SPIN1: variants seen among roughly 807,000 people sequenced by gnomAD.
The protein encoded by SPIN1 is spindlin-1.
In SPIN1, 3 loss-of-function variants were observed where a neutral mutation model predicts 26.0. The observed-to-expected ratio is 0.12, with a 90% CI of 0.05 to 0.30. The LOEUF (loss-of-function observed/expected upper bound fraction) is 0.30, where lower values mean the gene tolerates loss of function less well. SPIN1 is among the 10% of genes least tolerant of loss of function. SPIN1 has a pLI of 1.00. For synonymous variants in SPIN1, 101 were observed against 116.5 expected (o/e 0.87, Z 0.86); for missense variants, 126 against 333.4 (o/e 0.38, Z 4.84).
rs1828887280 is a variant in SPIN1 at position 88,476,241 on chromosome 9, C to T, written c.*964C>T. 1 of 152,146 alleles carries T rather than the reference C, an allele frequency of 6.6e-6. No homozygotes were observed. The highest frequency in any genetic ancestry group is 2.4e-5 in the African/African-American group (1 of 41,422). The allele number at this position is 152,146 out of a possible 1,614,324, so 9.4% of individuals were successfully genotyped here. A position where few individuals can be genotyped will look rare whatever the true frequency, so the allele number is the denominator to read the frequency against. On this transcript the variant is annotated 3_prime_UTR_variant, in exon 6 of 6. Transcript: ENST00000375859. ...TACATGGATTTAAAAGGCAACAATC[C>T]ATCACTGGTTTGTGTGTTTTTGGTT...
chr9:88,414,754 A>G (rs1044133714), intron 1 of SPIN1, among the ~76,000 whole-genome samples: 1 of 152,200 alleles, frequency 6.6e-6, no homozygotes, highest in Non-Finnish European at 1.5e-5. Flanking sequence ...TTCATGATAG[A>G]AGGAAGTGCT....
chr9:88,423,442 G>T (rs1827709312), intron 1 of SPIN1, among the ~76,000 whole-genome samples: 1 of 151,486 alleles, frequency 6.6e-6, no homozygotes, highest in Non-Finnish European at 1.5e-5. Flanking sequence ...TTTTTTGTTT[G>T]TTTGTTTGTT....
chr9:88,466,208 G>GA (rs1384820262), intron 4 of SPIN1, among the ~76,000 whole-genome samples: 1 of 152,078 alleles, frequency 6.6e-6, no homozygotes, highest in Non-Finnish European at 1.5e-5. Flanking sequence ...ACCCAGGCTG[G>GA]AGTATAGTGG....
At chr9:88,397,270 G>A (rs779835606) in intron 1 of SPIN1, among the ~76,000 whole-genome samples, 11 of 152,010 alleles carry the variant, frequency 7.2e-5, no homozygotes, top group Non-Finnish European at 1.5e-4. Flanking sequence ...ATCCACTGTA[G>A]TATATGTGGT....
intron 1 of SPIN1, among the ~76,000 whole-genome samples, chr9:88,419,807 C>A (rs760538444): frequency 2.0e-5 from 3 of 152,132 alleles, no homozygotes; most frequent in Non-Finnish European, 4.4e-5. Context: ...CATGATAGAC[C>A]AGACTAAAAT....
intron 2 of SPIN1, among the ~76,000 whole-genome samples, chr9:88,447,538 C>A (rs915130081): frequency 3.9e-5 from 6 of 152,246 alleles, no homozygotes; most frequent in African/African-American, 1.2e-4. Context: ...CTAGTTAGGG[C>A]CATCTTTTGC....
chr9:88,426,661 T>G (rs1402271323), intron 2 of SPIN1, 70 bp downstream of exon 2: 11 of 1,409,102 alleles, frequency 7.8e-6, no homozygotes, highest in Non-Finnish European at 1.1e-5. Flanking sequence ...AAGTGTAAAA[T>G]TGGGTACTTT....
chr9:88,402,510 CTT>C (rs201771271), intron 1 of SPIN1, among the ~76,000 whole-genome samples: 13 of 139,606 alleles, frequency 9.3e-5, no homozygotes, highest in Admixed American at 2.2e-4. Context: ...ATGAGGTCAA[CTT>C]TTTTTTTTTT....
chr9:88,392,057 G>A (rs1363115837), intron 1 of SPIN1, among the ~76,000 whole-genome samples: 1 of 152,182 alleles, frequency 6.6e-6, no homozygotes, highest in African/African-American at 2.4e-5. Flanking sequence ...TATGGTGTAA[G>A]TCTGTTCTGA....
intron 1 of SPIN1, among the ~76,000 whole-genome samples, chr9:88,399,748 G>A (rs541405763): frequency 4.6e-5 from 7 of 152,326 alleles, no homozygotes; most frequent in African/African-American, 1.7e-4. Flanking sequence ...ATGCAAGTTG[G>A]AAACATAAAG....
At chr9:88,412,974 G>A (rs997515478) in intron 1 of SPIN1, among the ~76,000 whole-genome samples, 1 of 151,508 alleles carries the variant, frequency 6.6e-6, no homozygotes, top group Admixed American at 6.6e-5. Flanking sequence ...GAGCCACCGC[G>A]CCTGGCCTCT....
chr9:88,411,584 G>T (rs1001045753), intron 1 of SPIN1: 1 of 578,312 alleles, frequency 1.7e-6, no homozygotes, highest in Non-Finnish European at 3.0e-6. Flanking sequence ...CATGATCTTG[G>T]CTTACTATAG....
At chr9:88,446,368 T>C (rs191726265) in intron 2 of SPIN1, among the ~76,000 whole-genome samples, 1 of 151,726 alleles carries the variant, frequency 6.6e-6, no homozygotes, top group Non-Finnish European at 1.5e-5. Flanking sequence ...TATTTTTTGC[T>C]GGATATAGTA....
chr9:88,455,856 A>G (rs769174515), intron 3 of SPIN1, among the ~76,000 whole-genome samples: 1 of 152,166 alleles, frequency 6.6e-6, no homozygotes, highest in Non-Finnish European at 1.5e-5. Flanking sequence ...AGGCACCCTT[A>G]CGTAGTTCCA....
At chr9:88,470,617 C>CA (rs1828763348) in intron 5 of SPIN1, among the ~76,000 whole-genome samples, 1 of 145,372 alleles carries the variant, frequency 6.9e-6, no homozygotes, top group Non-Finnish European at 1.5e-5. Context: ...TTTTTTGAGA[C>CA]AGAGTCTTGC....
rs11320023 is a variant in SPIN1 at position 88,475,047 on chromosome 9, CTTTTTTTTTTT to C, written c.590-18_590-8del. 8.8e-5 allele frequency: 74 copies of C among 841,784 alleles called. No homozygotes were observed. In the South Asian group the frequency reaches 1.6e-3, roughly 18 times the overall value. 52.1% of individuals were successfully genotyped at this position (841,784 alleles called of 1,614,324 possible). ...TGACTTAGAAATTTTCTCTCTCTCT[CTTTTTTTTTTT>C]TTTTTTTTTTTTAATATAGATGATT... On this transcript the variant is annotated intron_variant, in intron 5 of 5. Coordinates refer to ENST00000375859, the MANE Select transcript of SPIN1 (RefSeq NM_006717.3).
intron 2 of SPIN1, among the ~76,000 whole-genome samples, chr9:88,441,424 C>CGT (rs1323241293): frequency 1.1e-5 from 1 of 90,414 alleles, no homozygotes; most frequent in African/African-American, 1.5e-4. Flanking sequence ...TGCGCGCGCG[C>CGT]GCGCCCATGT....
intron 1 of SPIN1, among the ~76,000 whole-genome samples, chr9:88,410,365 C>T (rs571556113): frequency 3.9e-5 from 6 of 152,102 alleles, no homozygotes; most frequent in African/African-American, 7.2e-5. Flanking sequence ...ATACAGTCCT[C>T]GAGTTTTTTG....
intron 4 of SPIN1, among the ~76,000 whole-genome samples, chr9:88,463,099 TAA>T (rs1828602295): frequency 6.6e-6 from 1 of 152,212 alleles, no homozygotes; most frequent in Non-Finnish European, 1.5e-5. Context: ...ATACAAAAGA[TAA>T]GAGAATGCTG....
Sources: gnomAD v4.1 joint callset for allele counts (sites outside exome capture counted in the v4.1 genomes callset) on GRCh38, gnomAD v4.1.1 for gene constraint, MANE v1.5 for transcripts, NCBI Gene and HGNC (gene_info 2026-07-23, HGNC 2026-07-21) for gene names.